Variants in PBX1 observed in about 807,000 individuals in gnomAD.
The protein encoded by PBX1 is pre-B-cell leukemia transcription factor 1.
Under a neutral mutation model 53.4 loss-of-function variants are expected in PBX1, and 6 were observed. The observed-to-expected ratio is 0.11, with a 90% CI of 0.06 to 0.22. The LOEUF (loss-of-function observed/expected upper bound fraction) is 0.22. Among genes scored for constraint, PBX1 ranks in the 10% least tolerant of loss-of-function variants. PBX1 has a pLI of 1.00. For synonymous variants in PBX1, 204 were observed against 212.3 expected (o/e 0.96, Z 0.34); for missense variants, 251 against 551.4 (o/e 0.46, Z 5.46).
intron 8 of PBX1, among the ~76,000 whole-genome samples, chr1:164,839,381 T>A (rs1323590380): frequency 3.3e-5 from 5 of 152,236 alleles, no homozygotes; most frequent in Non-Finnish European, 7.4e-5. Context: ...AATTAAAAAC[T>A]AAGTGATTAC....
chr1:164,622,688 A>G (rs1657759973), intron 2 of PBX1, among the ~76,000 whole-genome samples: 1 of 152,108 alleles, frequency 6.6e-6, no homozygotes, highest in African/African-American at 2.4e-5. Flanking sequence ...ATTTAGAAAC[A>G]CTTCTATGAA....
chr1:164,792,452 T>A (rs1272621477), intron 2 of PBX1, 42 bp from the exon 3 acceptor site: 1 of 1,608,848 alleles, frequency 6.2e-7, no homozygotes, highest in Non-Finnish European at 8.5e-7. Flanking sequence ...ATTTTCTTTC[T>A]TGGGTTACTA....
chr1:164,723,661 T>C (rs1375300014), intron 2 of PBX1, among the ~76,000 whole-genome samples: 1 of 152,292 alleles, frequency 6.6e-6, no homozygotes, highest in Non-Finnish European at 1.5e-5. Flanking sequence ...GGCAGAGCCC[T>C]GCACTGCCTG....
chr1:164,659,080 A>G (rs1392371397), intron 2 of PBX1, among the ~76,000 whole-genome samples: 2 of 152,316 alleles, frequency 1.3e-5, no homozygotes, highest in South Asian at 2.1e-4. Context: ...GCACTAAGAA[A>G]GGGCTGATTC....
chr1:164,745,597 G>T (rs2102178584), intron 2 of PBX1, among the ~76,000 whole-genome samples: 1 of 152,230 alleles, frequency 6.6e-6, no homozygotes, highest in South Asian at 2.1e-4. Flanking sequence ...CCCAAAGAAG[G>T]TAGTAGTAAT....
At chr1:164,589,216 AAGG>A (rs1655181935) in intron 2 of PBX1, among the ~76,000 whole-genome samples, 1 of 151,948 alleles carries the variant, frequency 6.6e-6, no homozygotes, top group African/African-American at 2.4e-5. Flanking sequence ...CAACCACTGG[AAGG>A]AGGAGGGGGG....
intron 4 of PBX1, among the ~76,000 whole-genome samples, chr1:164,806,930 A>G (rs1462033947): frequency 3.9e-5 from 6 of 152,138 alleles, no homozygotes; most frequent in Non-Finnish European, 5.9e-5. Context: ...GCTGATCGAA[A>G]TCACCCAGCT....
At chr1:164,606,121 T>C (rs1656530467) in intron 2 of PBX1, among the ~76,000 whole-genome samples, 1 of 152,250 alleles carries the variant, frequency 6.6e-6, no homozygotes, top group South Asian at 2.1e-4. Flanking sequence ...TTAAAAATTC[T>C]TTCATTATTC....
intron 2 of PBX1, among the ~76,000 whole-genome samples, chr1:164,623,948 CAG>C (rs1657865933): frequency 6.6e-6 from 1 of 152,138 alleles, no homozygotes; most frequent in Non-Finnish European, 1.5e-5. Flanking sequence ...CTCAGACAAA[CAG>C]GAGCTGAGAA....
chr1:164,867,749 TC>T (rs1258483257), intron 2 of PBX1, among the ~76,000 whole-genome samples: 1 of 152,166 alleles, frequency 6.6e-6, no homozygotes, highest in Non-Finnish European at 1.5e-5. Context: ...CTGCTTCATA[TC>T]CCCCATGGAT....
At chr1:164,837,506 G>T (rs11585116) in intron 8 of PBX1, among the ~76,000 whole-genome samples, 1 of 152,164 alleles carries the variant, frequency 6.6e-6, no homozygotes, top group Non-Finnish European at 1.5e-5. Flanking sequence ...TCAGCTCTAC[G>T]TGAATATAAT....
chr1:164,563,403 T>G (rs919460723), intron 2 of PBX1, 92 bp downstream of exon 2: 8 of 784,562 alleles, frequency 1.0e-5, no homozygotes, highest in African/African-American at 1.8e-5. Flanking sequence ...ATATTAAAAT[T>G]TCAGAATACA....
chr1:164,621,543 A>T (rs1292313654), intron 2 of PBX1, among the ~76,000 whole-genome samples: 2 of 152,148 alleles, frequency 1.3e-5, no homozygotes, highest in African/African-American at 4.8e-5. Flanking sequence ...GTGGCTCTGC[A>T]GTCTTAGGCT....
chr1:164,559,611 C>T lies in PBX1; in HGVS notation c.-212C>T. ...CCACCCTCACCCCGCAACCCCTTCA[C>T]GCCCCCTCCCCCTCCCCCTCCTCAT... On this transcript the variant is annotated 5_prime_UTR_variant, in exon 1 of 9. The change creates a new upstream start codon in the 5' untranslated region. Coordinates refer to ENST00000420696, the MANE Select transcript of PBX1 (RefSeq NM_002585.4). 1 of 317,342 alleles carries T rather than the reference C, an allele frequency of 3.2e-6. No homozygotes were observed. Among genetic ancestry groups the T allele is most frequent in the Non-Finnish European group, 5.9e-6 (1 of 170,900 alleles). The allele number at this position is 317,342 out of a possible 1,614,324, so 19.7% of individuals were successfully genotyped here. A position where few individuals can be genotyped will look rare whatever the true frequency, so the allele number is the denominator to read the frequency against.
At chr1:164,842,509 T>C (rs948334036) in intron 8 of PBX1, among the ~76,000 whole-genome samples, 2 of 152,236 alleles carry the variant, frequency 1.3e-5, no homozygotes, top group Admixed American at 1.3e-4. Flanking sequence ...GATTTTCTTA[T>C]CTTGGGAACC....
At chr1:164,564,373 G>A (rs957511247) in intron 2 of PBX1, among the ~76,000 whole-genome samples, 3 of 152,086 alleles carry the variant, frequency 2.0e-5, no homozygotes, top group African/African-American at 7.2e-5. Flanking sequence ...TTGCATGCTT[G>A]GTTGATATAC....
intron 2 of PBX1, among the ~76,000 whole-genome samples, chr1:164,626,547 A>G (rs1658059689): frequency 6.6e-6 from 1 of 152,218 alleles, no homozygotes; most frequent in Non-Finnish European, 1.5e-5. Context: ...TATTCCAATG[A>G]AGAGTTTACA....
At chr1:164,590,452 TG>T (rs1448773424) in intron 2 of PBX1, 1 of 455,858 alleles carries the variant, frequency 2.2e-6, no homozygotes, top group South Asian at 1.5e-5. Context: ...AGCTGCTCTG[TG>T]GGAAGTGAAT....
At chr1:164,721,085 G>T (rs989220338) in intron 2 of PBX1, among the ~76,000 whole-genome samples, 3 of 152,192 alleles carry the variant, frequency 2.0e-5, no homozygotes, top group African/African-American at 7.2e-5. Flanking sequence ...ATAAGTGTAC[G>T]TGTCTATAAA....
Sources: allele counts gnomAD v4.1 joint callset (sites outside exome capture counted in the v4.1 genomes callset), GRCh38; gene constraint gnomAD v4.1.1; transcripts MANE v1.5; gene names NCBI Gene and HGNC (gene_info 2026-07-23, HGNC 2026-07-21).